The following ARSF variants were observed in gnomAD, a reference collection of about 807,000 sequenced individuals.
The protein encoded by ARSF is arylsulfatase F.
Under a neutral mutation model 35.4 loss-of-function variants are expected in ARSF, and 33 were observed. The observed-to-expected ratio is 0.93, with a 90% CI of 0.71 to 1.25. The LOEUF is 1.25. ARSF is among the 50% of genes most tolerant of loss of function. ARSF has a pLI of 0.00. For missense variants in ARSF, 501 were observed against 480.2 expected, an observed-to-expected ratio of 1.04 and a Z score of -0.40; for synonymous variants, 222 against 193.1, an observed-to-expected ratio of 1.15 and a Z score of -1.24.
At chrX:3,093,143 C>T (rs1258279439) in intron 7 of ARSF, among the ~76,000 whole-genome samples, 2 of 111,597 alleles carry the variant, frequency 1.8e-5, no homozygotes, top group Non-Finnish European at 3.8e-5. Context: ...CCAGCCTGGG[C>T]AACGGAGCGA....
intron 3 of ARSF, among the ~76,000 whole-genome samples, chrX:3,075,864 T>C (rs1457740236): frequency 2.1e-5 from 2 of 96,104 alleles, no homozygotes; most frequent in African/African-American, 3.8e-5. Context: ...TCTGTCTCTC[T>C]CTTCCTCTCT....
At chrX:3,069,142 C>T (rs747523640) in intron 2 of ARSF, among the ~76,000 whole-genome samples, 2 of 111,116 alleles carry the variant, frequency 1.8e-5, no homozygotes, top group African/African-American at 3.3e-5. Flanking sequence ...AAAATATGAC[C>T]TCAGCTGGGA....
At chrX:3,071,727 C>T (rs898412394) in intron 2 of ARSF, among the ~76,000 whole-genome samples, 4 of 111,916 alleles carry the variant, frequency 3.6e-5, no homozygotes, top group Non-Finnish European at 5.6e-5. Context: ...TTTTCCACAG[C>T]GCTTGTACAT....
chrX:3,098,624 C>T (rs1243716469), intron 7 of ARSF, among the ~76,000 whole-genome samples: 3 of 111,077 alleles, frequency 2.7e-5, no homozygotes, highest in East Asian at 5.6e-4. Context: ...TGCCTTTCAC[C>T]TCCCATCGTG....
intron 1 of ARSF, among the ~76,000 whole-genome samples, chrX:3,062,170 A>G (rs942675750): frequency 1.8e-5 from 2 of 112,398 alleles, no homozygotes; most frequent in Non-Finnish European, 3.7e-5. Context: ...GCTCAACTAC[A>G]TGGAAACTGA....
At chrX:3,053,703 C>T (rs1448944603) in intron 1 of ARSF, among the ~76,000 whole-genome samples, 3 of 108,652 alleles carry the variant, frequency 2.8e-5, no homozygotes, top group African/African-American at 1.0e-4. Context: ...TGAGTTCAAG[C>T]GATTCTCTTG....
At chrX:3,067,390 A>T (rs1294715934) in intron 1 of ARSF, among the ~76,000 whole-genome samples, 1 of 111,321 alleles carries the variant, frequency 9.0e-6, no homozygotes, top group Non-Finnish European at 1.9e-5. Context: ...TATAACCATT[A>T]GTCATTCAGT....
chrX:3,047,075 A>G (rs2089978502), intron 1 of ARSF, among the ~76,000 whole-genome samples: 1 of 111,737 alleles, frequency 8.9e-6, no homozygotes, highest in Non-Finnish European at 1.9e-5. Context: ...TGGATTGGAC[A>G]AGCTTGAAAA....
chrX:3,105,612 C>A (rs760053878), intron 9 of ARSF, among the ~76,000 whole-genome samples: 1 of 110,901 alleles, frequency 9.0e-6, no homozygotes, highest in Admixed American at 9.6e-5. Flanking sequence ...CTACAGGCAC[C>A]GGCCACCACG....
intron 4 of ARSF, among the ~76,000 whole-genome samples, chrX:3,079,785 C>T (rs1406048147): frequency 9.4e-6 from 1 of 106,390 alleles, no homozygotes; most frequent in Non-Finnish European, 1.9e-5. Context: ...CATGGTGAAA[C>T]CCCATCTCTA....
chrX:3,058,883 A>G (rs1427890191), intron 1 of ARSF, among the ~76,000 whole-genome samples: 2 of 111,665 alleles, frequency 1.8e-5, no homozygotes, highest in East Asian at 5.7e-4. Context: ...AAAAAAAGAG[A>G]TTAGTAAATT....
rs181887611 is a variant in ARSF, at chrX:3,071,180, T to C, written c.12-846T>C. On this transcript the variant is annotated intron_variant, in intron 2 of 10. Coordinates refer to ENST00000381127, the MANE Select transcript of ARSF (RefSeq NM_001201539.2). ...TGTATACAATCTATAGCTATCTATC[T>C]CTATATATCACATTTTCTTTATCCA... 2.9e-3 allele frequency among the ~76,000 whole-genome samples: 319 copies of C among 111,741 alleles called. 3 individuals are homozygous for C. The highest frequency in any genetic ancestry group is 9.9e-3 in the African/African-American group (304 of 30,766).
At chrX:3,054,342 T>C (rs2090009009) in intron 1 of ARSF, among the ~76,000 whole-genome samples, 1 of 111,744 alleles carries the variant, frequency 8.9e-6, no homozygotes. Flanking sequence ...GTTCTCAGGG[T>C]GTCTCCTCAC....
At chrX:3,112,107 C>T in intron 10 of ARSF, 67 bp from the exon 11 acceptor site, 8 of 1,005,390 alleles carry the variant, frequency 8.0e-6, no homozygotes, top group Non-Finnish European at 1.1e-5. Context: ...CTATAGAACA[C>T]TAGGACTTCT....
intron 5 of ARSF, among the ~76,000 whole-genome samples, chrX:3,083,559 C>CT (rs1259612172): frequency 9.1e-6 from 1 of 110,109 alleles, no homozygotes; most frequent in Non-Finnish European, 1.9e-5. Context: ...ACCACTCACT[C>CT]TATCTCTATC....
At chrX:3,081,143 CCTACAATCCCAGTA>C in intron 5 of ARSF, 130 bp downstream of exon 5, 3 of 909,947 alleles carry the variant, frequency 3.3e-6, no homozygotes, top group Non-Finnish European at 4.4e-6. Context: ...GTGGCCCATG[CCTACAATCCCAGTA>C]CTTTGGGAGG....
At position 3,047,140 on chromosome X, in the gene ARSF, A is replaced by G. The variant is rs773594822; in HGVS notation, c.-29+5477A>G. ...GTCAGCTTCCTGAGTTCCCTTTTCT[A>G]AAATGGGTTGTAAGAATGACTACTT... On this transcript the variant is annotated intron_variant, in intron 1 of 10. Coordinates refer to ENST00000381127, the MANE Select transcript of ARSF (RefSeq NM_001201539.2). 9.9e-5 allele frequency among the ~76,000 whole-genome samples: 11 copies of G among 110,834 alleles called. No homozygotes were observed. In the South Asian group the frequency reaches 4.3e-3, roughly 43 times the overall value.
rs185346868 is a variant in ARSF at position 3,092,184 on chromosome X, C to G, written c.967+2552C>G. Among the ~76,000 whole-genome samples, 205 of 106,500 alleles carry G rather than the reference C, an allele frequency of 1.9e-3. 1 individual carries two copies. The highest frequency in any genetic ancestry group is 5.9e-3 in the African/African-American group (164 of 27,822). The allele number at this position is 106,500 out of a possible 115,157, so 92.5% of individuals were successfully genotyped here. ...TAGATAGATGATAGATAGATACATA[C>G]ATACATACATACATACATACATACA... On this transcript the variant is annotated intron_variant, in intron 7 of 10. Coordinates refer to ENST00000381127, the MANE Select transcript of ARSF (RefSeq NM_001201539.2).
intron 7 of ARSF, among the ~76,000 whole-genome samples, chrX:3,095,956 A>C (rs1050917158): frequency 9.2e-6 from 1 of 108,518 alleles, no homozygotes; most frequent in Non-Finnish European, 1.9e-5. Context: ...TATATCTAAC[A>C]ATATAACTTA....
Sources: gnomAD v4.1 joint callset for allele counts (sites outside exome capture counted in the v4.1 genomes callset) on GRCh38, gnomAD v4.1.1 for gene constraint, MANE v1.5 for transcripts, NCBI Gene and HGNC (gene_info 2026-07-23, HGNC 2026-07-21) for gene names.